The following COL4A6 variants were observed in gnomAD, a reference collection of about 807,000 sequenced individuals.
COL4A6 encodes the protein collagen alpha-6(IV) chain.
In COL4A6, 59 loss-of-function variants were observed where a neutral mutation model predicts 126.7. The observed-to-expected ratio is 0.47, with a 90% CI of 0.38 to 0.58. The LOEUF (loss-of-function observed/expected upper bound fraction) is 0.58, where lower values mean the gene tolerates loss of function less well. Ranked by LOEUF, COL4A6 falls within the 20% of genes least tolerant of loss-of-function variation. The pLI, the probability that COL4A6 is intolerant of heterozygous loss-of-function variation, is 0.00. For synonymous variants in COL4A6, 547 were observed against 496.6 expected (o/e 1.10, Z -1.35); for missense variants, 1,285 against 1,337.3 (o/e 0.96, Z 0.61).
intron 2 of COL4A6, among the ~76,000 whole-genome samples, chrX:108,428,971 C>T (rs972069816): frequency 1.8e-5 from 2 of 112,022 alleles, no homozygotes; most frequent in Admixed American, 1.9e-4. Context: ...GAAATGAAAA[C>T]ATGTTCACAT....
At chrX:108,341,216 C>T (rs778590387) in intron 2 of COL4A6, among the ~76,000 whole-genome samples, 1 of 111,398 alleles carries the variant, frequency 9.0e-6, no homozygotes, top group South Asian at 3.9e-4. Context: ...GTTGTTCTCG[C>T]CACTTGGAAA....
At chrX:108,371,474 TA>T (rs1193650507) in intron 2 of COL4A6, among the ~76,000 whole-genome samples, 1 of 105,770 alleles carries the variant, frequency 9.5e-6, no homozygotes. Context: ...ATTAAAACAT[TA>T]AAAAAATTCT....
Position 108,181,034 on chromosome X carries a change from T to C in COL4A6, c.1952-66A>G, listed in dbSNP as rs181753957. 2.0e-4 allele frequency: 181 copies of C among 924,401 alleles called. 1 individual carries two copies. The African/African-American group carries it at 2.9e-3, about 15-fold the overall frequency. 76.2% of individuals were successfully genotyped at this position (924,401 alleles called of 1,213,427 possible). On this transcript the variant is annotated intron_variant, in intron 23 of 44. Coordinates refer to ENST00000334504, the MANE Select transcript of COL4A6 (RefSeq NM_033641.4). Reference sequence around the variant, plus strand: ...TAGGGAAGATTTCTCCCTAGTACGCTCCTTTACTTCTATTCCATTTAATAG... The same window carrying C: ...TAGGGAAGATTTCTCCCTAGTACGCCCCTTTACTTCTATTCCATTTAATAG...
intron 2 of COL4A6, among the ~76,000 whole-genome samples, chrX:108,338,787 A>G (rs1360531118): frequency 8.9e-6 from 1 of 112,269 alleles, no homozygotes; most frequent in Non-Finnish European, 1.9e-5. Context: ...ACCTTTGTAA[A>G]CAAATGTAGG....
chrX:108,328,701 C>G (rs906037101), intron 2 of COL4A6, among the ~76,000 whole-genome samples: 4 of 112,030 alleles, frequency 3.6e-5, no homozygotes, highest in African/African-American at 1.3e-4. Context: ...CATGATCTGG[C>G]AATTCCAAAG....
At chrX:108,429,769 C>A (rs1382640800) in intron 2 of COL4A6, among the ~76,000 whole-genome samples, 1 of 111,935 alleles carries the variant, frequency 8.9e-6, no homozygotes, top group East Asian at 2.8e-4. Context: ...AGGGCAGAGG[C>A]AACATTTAGA....
At chrX:108,245,187 G>C (rs1325297718) in intron 3 of COL4A6, among the ~76,000 whole-genome samples, 1 of 112,221 alleles carries the variant, frequency 8.9e-6, no homozygotes, top group Non-Finnish European at 1.9e-5. Context: ...AAACAAAAAG[G>C]TCAGTCCGAT....
chrX:108,193,759 T>A lies in COL4A6; in HGVS notation c.1003-62A>T. The A allele has an allele frequency of 9.3e-6, 9 of 970,574 alleles. No homozygotes were observed. In the South Asian group the frequency reaches 1.7e-4, roughly 18 times the overall value. The allele number at this position is 970,574 out of a possible 1,213,427, so 80.0% of individuals were successfully genotyped here. Reference sequence around the variant, plus strand: ...ATTTCCTTATTACCCAAGATCTATGTGCCATTAAAGCCCATCCCTAGGAAA... The same window carrying A: ...ATTTCCTTATTACCCAAGATCTATGAGCCATTAAAGCCCATCCCTAGGAAA... On this transcript the variant is annotated intron_variant, in intron 16 of 44. Coordinates refer to ENST00000334504, the MANE Select transcript of COL4A6 (RefSeq NM_033641.4).
chrX:108,410,645 C>G (rs1223549440), intron 2 of COL4A6, among the ~76,000 whole-genome samples: 2 of 111,258 alleles, frequency 1.8e-5, no homozygotes. Flanking sequence ...AAATAATTTA[C>G]CCCCCTTTCC....
At chrX:108,315,397 AC>A (rs2038859492) in intron 2 of COL4A6, among the ~76,000 whole-genome samples, 1 of 110,602 alleles carries the variant, frequency 9.0e-6, no homozygotes, top group East Asian at 2.8e-4. Context: ...CTGCCACCAC[AC>A]CCAGCTAATT....
rs149874452 is a variant in COL4A6, at chrX:108,185,307, G to A, written c.1951+1789C>T. On this transcript the variant is annotated intron_variant, in intron 23 of 44. Coordinates refer to ENST00000334504, the MANE Select transcript of COL4A6 (RefSeq NM_033641.4). ...CTCAGGAGGCTGAGGCAGGAGAATC[G>A]CTTGAACCCAGGAGGCAGAGGTTGC... is the stretch of plus-strand genomic sequence containing the variant. Among the ~76,000 whole-genome samples the A allele has an allele frequency of 4.7e-3, 498 of 107,049 alleles. 3 individuals are homozygous for A. The highest frequency in any genetic ancestry group is 0.017 in the African/African-American group (485 of 29,269). 93.0% of individuals were successfully genotyped at this position (107,049 alleles called of 115,157 possible).
chrX:108,190,317 G>C (rs1186138624), intron 20 of COL4A6, 75 bp downstream of exon 20: 2 of 681,688 alleles, frequency 2.9e-6, no homozygotes, highest in Non-Finnish European at 4.6e-6. Context: ...TCCCGAGGCT[G>C]TTGGTTTTCT....
At chrX:108,317,184 G>A (rs1468278836) in intron 2 of COL4A6, among the ~76,000 whole-genome samples, 1 of 112,171 alleles carries the variant, frequency 8.9e-6, no homozygotes, top group Non-Finnish European at 1.9e-5. Context: ...AGAGCTGCTA[G>A]GATTTGCTGA....
intron 2 of COL4A6, chrX:108,384,128 C>A: frequency 3.8e-6 from 1 of 260,087 alleles, no homozygotes; most frequent in Non-Finnish European, 7.0e-6. Flanking sequence ...TTTCTCTACC[C>A]ATTTATCCAT....
At position 108,180,518 on chromosome X, in the gene COL4A6, G is replaced by A; in HGVS notation, c.2128C>T (p.Pro710Ser). 8.3e-7 allele frequency: 1 copy of A among 1,200,113 alleles called. No individual in the cohort carries two copies. Among genetic ancestry groups the A allele is most frequent in the Non-Finnish European group, 1.1e-6 (1 of 887,059 alleles). Residue 710 changes from proline (P) to serine (S), a missense_variant, in exon 25 of 45, where the codon CCA (proline) becomes TCA (serine). Coordinates refer to ENST00000334504, the MANE Select transcript of COL4A6 (RefSeq NM_033641.4). The stretch of plus-strand genomic sequence containing the variant: ...GAGGAGACACTCCTTTTCTTACCTG[G>A]TAATTCAGGAAGATGAACCAATCCT... ...SPGLVHLPEL[P>S]GFPGPRGEKG...
chrX:108,277,026 A>G (rs1485115301), intron 3 of COL4A6, among the ~76,000 whole-genome samples: 1 of 112,329 alleles, frequency 8.9e-6, no homozygotes, highest in African/African-American at 3.2e-5. Flanking sequence ...AGAGGCGAAG[A>G]TGGCCGAATA....
rs1602883535 is a variant in COL4A6, at chrX:108,234,092, T to C, written c.145-12718A>G. On this transcript the variant is annotated intron_variant, in intron 3 of 44. Transcript: ENST00000334504. ...GCATCAGGTCTAAGAGTTACAAGTTTACGTTGGTGAAGTGCTTCAGATTTC... is the reference window on the plus strand; with the variant it reads ...GCATCAGGTCTAAGAGTTACAAGTTCACGTTGGTGAAGTGCTTCAGATTTC... Among the ~76,000 whole-genome samples the C allele has an allele frequency of 1.8e-5, 2 of 111,787 alleles. 1 individual carries two copies. Among genetic ancestry groups the C allele is most frequent in the East Asian group, 5.7e-4 (2 of 3,531 alleles).
At chrX:108,189,535 C>G (rs1232745862) in intron 20 of COL4A6, among the ~76,000 whole-genome samples, 1 of 112,315 alleles carries the variant, frequency 8.9e-6, no homozygotes, top group Non-Finnish European at 1.9e-5. Context: ...AAATGTCCCT[C>G]TTTTAGGACT....
At position 108,160,515 on chromosome X, in the gene COL4A6, C is replaced by T; in HGVS notation, c.4473G>A (p.Gly1491=). 7.4e-6 allele frequency: 9 copies of T among 1,210,563 alleles called. No individual in the cohort carries two copies. Among genetic ancestry groups the T allele is most frequent in the Non-Finnish European group, 1.0e-5 (9 of 894,923 alleles). The change falls in exon 43 of 45, where the codon GGG becomes GGA. Residue 1491 remains glycine (G), a synonymous_variant. Coordinates refer to ENST00000334504, the MANE Select transcript of COL4A6 (RefSeq NM_033641.4). The part of the protein sequence containing the change: ...CPIGMSQLWV[G]YSLLFVEGQE... Reference sequence around the variant, plus strand: ...GCCCCTCCACAAACAGTAAGCTGTACCCCACCCACAGCTGGCTCATCCCGA... The same window carrying T: ...GCCCCTCCACAAACAGTAAGCTGTATCCCACCCACAGCTGGCTCATCCCGA...
Sources: allele counts gnomAD v4.1 joint callset (sites outside exome capture counted in the v4.1 genomes callset), GRCh38; gene constraint gnomAD v4.1.1; transcripts MANE v1.5; gene names NCBI Gene and HGNC (gene_info 2026-07-23, HGNC 2026-07-21).